The following GPR83 variants were observed in gnomAD, a reference collection of about 807,000 sequenced individuals.
The protein encoded by GPR83 is G protein-coupled receptor 83.
Under a neutral mutation model 28.0 loss-of-function variants are expected in GPR83, and 23 were observed. The ratio of observed to expected loss-of-function variants is 0.82; its 90% CI spans 0.59 to 1.16. The LOEUF (loss-of-function observed/expected upper bound fraction) is 1.16, where lower values mean the gene tolerates loss of function less well. GPR83 is among the 50% of genes most tolerant of loss of function. The pLI is 0.00. For missense variants in GPR83, 610 were observed against 536.6 expected, an observed-to-expected ratio of 1.14 and a Z score of -1.35; for synonymous variants, 234 against 215.4, an observed-to-expected ratio of 1.09 and a Z score of -0.76.
intron 1 of GPR83, among the ~76,000 whole-genome samples, chr11:94,398,191 C>T (rs574472949): frequency 4.1e-4 from 62 of 152,310 alleles, no homozygotes; most frequent in African/African-American, 1.4e-3. Context: ...CCTTGGAATT[C>T]AGCCTTCACA....
intron 3 of GPR83, among the ~76,000 whole-genome samples, chr11:94,384,772 G>T (rs1347054322): frequency 6.6e-6 from 1 of 152,206 alleles, no homozygotes; most frequent in East Asian, 1.9e-4. Context: ...CACCTCTGGG[G>T]ACAGGGAATA....
chr11:94,384,490 G>T (rs1454154578), intron 3 of GPR83, among the ~76,000 whole-genome samples: 3 of 152,128 alleles, frequency 2.0e-5, no homozygotes, highest in African/African-American at 4.8e-5. Flanking sequence ...TCGGACAGTG[G>T]GTGCAGGACA....
intron 3 of GPR83, among the ~76,000 whole-genome samples, chr11:94,390,164 C>G (rs1944803086): frequency 6.8e-6 from 1 of 147,106 alleles, no homozygotes; most frequent in African/African-American, 2.5e-5. Context: ...ACACTGGGGA[C>G]TGTTGTGGGG....
chr11:94,400,870 G>C lies in GPR83; in HGVS notation c.378C>G (p.Pro126=). The change falls in exon 1 of 4, where the codon CCC becomes CCG. Residue 126 remains proline, a synonymous_variant. Transcript: ENST00000243673. ...GCAGCGGGCCCCTTACCAAAGTGAA[G>C]GGGGTGTTGAGCAGCGTGATCATTA... ...ADIMITLLNT[P]FTLVRFVNST... 1.2e-6 allele frequency: 2 copies of C among 1,613,872 alleles called. No homozygotes were observed. Among genetic ancestry groups the C allele is most frequent in the Admixed American group, 1.7e-5 (1 of 60,016 alleles).
chr11:94,382,365 AAAGC>A (rs1351839156), intron 3 of GPR83, among the ~76,000 whole-genome samples: 1 of 142,554 alleles, frequency 7.0e-6, no homozygotes, highest in Non-Finnish European at 1.6e-5. Context: ...AAAAAAAAAA[AAAGC>A]AGGAGTTACA....
In GPR83 at chr11:94,378,397, C is replaced by T. The variant is rs1278747038; in HGVS notation, c.*1752G>A. On this transcript the variant is annotated 3_prime_UTR_variant, in exon 4 of 4. Coordinates refer to ENST00000243673, the MANE Select transcript of GPR83 (RefSeq NM_016540.4). Reference sequence around the variant, plus strand: ...AGTTTATCTGGTGCTAGAAGAAAACCTAAAAGCAGTGTGTCAGTAACAATT... The same window carrying T: ...AGTTTATCTGGTGCTAGAAGAAAACTTAAAAGCAGTGTGTCAGTAACAATT... 1 of 152,140 alleles carries T rather than the reference C, an allele frequency of 6.6e-6. No homozygotes were observed. The highest frequency in any genetic ancestry group is 1.5e-5 in the Non-Finnish European group (1 of 68,030). The allele number at this position is 152,140 out of a possible 1,614,324, so 9.4% of individuals were successfully genotyped here. A position where few individuals can be genotyped will look rare whatever the true frequency, so the allele number is the denominator to read the frequency against.
At chr11:94,387,334 G>A (rs980098881) in intron 3 of GPR83, among the ~76,000 whole-genome samples, 13 of 152,260 alleles carry the variant, frequency 8.5e-5, no homozygotes, top group African/African-American at 2.9e-4. Context: ...CATCAGAGCA[G>A]AACTGAAGGA....
chr11:94,401,265 T>C lies in GPR83; in HGVS notation c.-18A>G. On this transcript the variant is annotated 5_prime_UTR_variant, in exon 1 of 4. Transcript: ENST00000243673. The stretch of plus-strand genomic sequence containing the variant: ...GGGACCATTTTGCAGGAGCCACCCC[T>C]CCCCTGGGAGCCTGCGGGCCGGGCG... 1 of 1,570,386 alleles carries C rather than the reference T, an allele frequency of 6.4e-7. No homozygotes were observed. Among genetic ancestry groups the C allele is most frequent in the Non-Finnish European group, 8.6e-7 (1 of 1,162,528 alleles).
At chr11:94,388,695 T>C (rs1277739188) in intron 3 of GPR83, among the ~76,000 whole-genome samples, 3 of 152,230 alleles carry the variant, frequency 2.0e-5, no homozygotes, top group South Asian at 2.1e-4. Flanking sequence ...AATGGAAGAA[T>C]ATTCCATGCT....
At position 94,380,645 on chromosome 11, in the gene GPR83, T is replaced by C. The variant is rs1944677819; in HGVS notation, c.776A>G (p.Tyr259Cys). Residue 259 changes from tyrosine to cysteine, a missense_variant, in exon 4 of 4, where the codon TAC becomes TGC. Transcript: ENST00000243673. ...ILPLLIISVAYARVAKKLWLC... is the reference protein window; with the variant it reads ...ILPLLIISVACARVAKKLWLC... ...CCACAGTTTCTTGGCCACACGAGCG[T>C]AGGCCACAGAGATGATGAGGAGGGG... The C allele has an allele frequency of 4.3e-6, 7 of 1,613,880 alleles. No individual in the cohort carries two copies. Among genetic ancestry groups the C allele is most frequent in the Non-Finnish European group, 5.9e-6 (7 of 1,179,990 alleles).
At chr11:94,388,262 C>T (rs1181336957) in intron 3 of GPR83, among the ~76,000 whole-genome samples, 1 of 152,288 alleles carries the variant, frequency 6.6e-6, no homozygotes, top group East Asian at 1.9e-4. Flanking sequence ...AAAACTGGCA[C>T]AAGACAGGCA....
At chr11:94,382,942 A>C (rs1301645076) in intron 3 of GPR83, among the ~76,000 whole-genome samples, 1 of 151,976 alleles carries the variant, frequency 6.6e-6, no homozygotes, top group East Asian at 1.9e-4. Context: ...AGGCGGGCGG[A>C]TCATGAGGTC....
chr11:94,397,976 T>C (rs1457032666), intron 1 of GPR83, among the ~76,000 whole-genome samples: 1 of 152,204 alleles, frequency 6.6e-6, no homozygotes, highest in African/African-American at 2.4e-5. Flanking sequence ...TCAGTAACAT[T>C]ATAGAGCTAG....
At position 94,377,341 on chromosome 11, in the gene GPR83, T is replaced by C. The variant is rs1325216934; in HGVS notation, c.*2808A>G. 6.6e-6 allele frequency: 1 copy of C among 152,160 alleles called. No individual in the cohort carries two copies. Among genetic ancestry groups the C allele is most frequent in the Non-Finnish European group, 1.5e-5 (1 of 68,028 alleles). The allele number at this position is 152,160 out of a possible 1,614,324, so 9.4% of individuals were successfully genotyped here. ...TCCACAAACCTGAAGTAAATTTTAT[T>C]GAGATGAGCAATTTACAATAAAACA... is the stretch of plus-strand genomic sequence containing the variant. On this transcript the variant is annotated 3_prime_UTR_variant, in exon 4 of 4. Transcript: ENST00000243673.
intron 1 of GPR83, among the ~76,000 whole-genome samples, chr11:94,400,295 C>T (rs888454867): frequency 3.9e-5 from 6 of 152,010 alleles, no homozygotes; most frequent in African/African-American, 1.2e-4. Context: ...TCATTCATTT[C>T]CAGCTGGCTG....
chr11:94,387,331 G>A (rs1944769710), intron 3 of GPR83, among the ~76,000 whole-genome samples: 1 of 152,148 alleles, frequency 6.6e-6, no homozygotes. Flanking sequence ...TAACATCAGA[G>A]CAGAACTGAA....
At chr11:94,390,030 T>C (rs1485732334) in intron 3 of GPR83, among the ~76,000 whole-genome samples, 1 of 152,108 alleles carries the variant, frequency 6.6e-6, no homozygotes, top group African/African-American at 2.4e-5. Flanking sequence ...GGGACATGGA[T>C]TAAGCTTGAA....
rs917050774 is a variant in GPR83, at chr11:94,392,146, A to T, written c.647+1339T>A. ...CACCATGGAATACTATGCAGCCGTA[A>T]AAAAGGATGAGTTCATGTCCTTTGC... On this transcript the variant is annotated intron_variant, in intron 3 of 3. Transcript: ENST00000243673. 2.6e-5 allele frequency among the ~76,000 whole-genome samples: 4 copies of T among 152,172 alleles called. No individual in the cohort carries two copies. The East Asian group carries it at 7.7e-4, about 29-fold the overall frequency.
rs555598619 is a variant in GPR83, at chr11:94,380,625, G to C, written c.796C>G (p.Leu266Val). The C allele has an allele frequency of 9.3e-6, 15 of 1,614,142 alleles. No individual in the cohort carries two copies. The highest frequency in any genetic ancestry group is 1.2e-5 in the Non-Finnish European group (14 of 1,180,026). The change falls in exon 4 of 4, where the codon CTG (leucine) becomes GTG (valine). Residue 266 changes from leucine (L) to valine (V), a missense_variant. Physicochemically the swap from Leu to Val is conservative, Grantham distance 32. Coordinates refer to ENST00000243673, the MANE Select transcript of GPR83 (RefSeq NM_016540.4). ...TCGCCAATCATATTACACAGCCACA[G>C]TTTCTTGGCCACACGAGCGTAGGCC... ...SVAYARVAKK[L>V]WLCNMIGDVT...
Sources: allele counts gnomAD v4.1 joint callset (sites outside exome capture counted in the v4.1 genomes callset), GRCh38; gene constraint gnomAD v4.1.1; transcripts MANE v1.5; gene names NCBI Gene and HGNC (gene_info 2026-07-23, HGNC 2026-07-21).